The following NAP1L5 variants were observed in gnomAD, a reference collection of about 807,000 sequenced individuals.
NAP1L5 encodes the protein nucleosome assembly protein 1 like 5, also known as nucleosome assembly protein 1-like 5.
For synonymous variants in NAP1L5, 125 were observed against 103.6 expected (o/e 1.21, Z -1.25); for missense variants, 249 against 246.4 (o/e 1.01, Z -0.07).
chr4:88,697,479 A>G lies in NAP1L5; in HGVS notation c.276T>C (p.Asp92=). The change falls in exon 1 of 1, where the codon GAT becomes GAC. Residue 92 remains aspartate, a synonymous_variant. Coordinates refer to ENST00000323061, the MANE Select transcript of NAP1L5 (RefSeq NM_153757.4). Reference sequence around the variant, plus strand: ...CCTTATCAAATTTGGCTTCTATCTTATCGCATCGCTTCTGCAGCTTTTTGA... The same window carrying G: ...CCTTATCAAATTTGGCTTCTATCTTGTCGCATCGCTTCTGCAGCTTTTTGA... The part of the protein sequence containing the change: ...LALKKLQKRC[D]KIEAKFDKEF... The G allele has an allele frequency of 6.2e-7, 1 of 1,613,990 alleles. No homozygotes were observed.
chr4:88,695,944 C>T lies in NAP1L5; in HGVS notation c.*1262G>A, dbSNP rs1054261549. The T allele has an allele frequency of 1.3e-5, 2 of 152,550 alleles. No individual in the cohort carries two copies. Among genetic ancestry groups the T allele is most frequent in the Non-Finnish European group, 2.9e-5 (2 of 68,020 alleles). 9.4% of individuals were successfully genotyped at this position (152,550 alleles called of 1,614,324 possible). The stretch of plus-strand genomic sequence containing the variant: ...TTTTGAAAATACTGTTTTATTAACA[C>T]CACAGTGATAAACAACTTTAAGCTT... On this transcript the variant is annotated 3_prime_UTR_variant, in exon 1 of 1. Coordinates refer to ENST00000323061, the MANE Select transcript of NAP1L5 (RefSeq NM_153757.4).
chr4:88,697,220 C>T lies in NAP1L5; in HGVS notation c.535G>A (p.Asp179Asn). Residue 179 changes from aspartate to asparagine, a missense_variant, in exon 1 of 1, where the codon GAC (aspartate) becomes AAC (asparagine). Asp to Asn is a conservative substitution (Grantham distance 23). Coordinates refer to ENST00000323061, the MANE Select transcript of NAP1L5 (RefSeq NM_153757.4). ...HDDAHAEMPD[D>N]AKK The stretch of plus-strand genomic sequence containing the variant: ...CTCTGCCCCCCTTACTTCTTGGCGT[C>T]ATCAGGCATCTCGGCGTGGGCATCG... 1 of 1,520,446 alleles carries T rather than the reference C, an allele frequency of 6.6e-7. No homozygotes were observed. Among genetic ancestry groups the T allele is most frequent in the Non-Finnish European group, 8.8e-7 (1 of 1,137,418 alleles). 94.2% of individuals were successfully genotyped at this position (1,520,446 alleles called of 1,614,324 possible).
rs1734728655 is a variant in NAP1L5, at chr4:88,697,380, G to T, written c.375C>A (p.Gly125=). The T allele has an allele frequency of 1.2e-6, 2 of 1,613,576 alleles. No individual in the cohort carries two copies. Among genetic ancestry groups the T allele is most frequent in the African/African-American group, 1.3e-5 (1 of 74,732 alleles). Reference sequence around the variant, plus strand: ...AGGTCCATGCACACCCCTCCATCTCGCCGGTGAGCTCTTGGATCTTGGCGA... The same window carrying T: ...AGGTCCATGCACACCCCTCCATCTCTCCGGTGAGCTCTTGGATCTTGGCGA... ...PLLAKIQELT[G]EMEGCAWTLE... Residue 125 remains glycine (G), a synonymous_variant, in exon 1 of 1, where the codon GGC becomes GGA. Coordinates refer to ENST00000323061, the MANE Select transcript of NAP1L5 (RefSeq NM_153757.4).
chr4:88,697,656 C>T lies in NAP1L5; in HGVS notation c.99G>A (p.Gln33=), dbSNP rs546717344. 54 of 1,613,420 alleles carry T rather than the reference C, an allele frequency of 3.3e-5. No individual in the cohort carries two copies. The highest frequency in any genetic ancestry group is 1.6e-4 in the Middle Eastern group (1 of 6,062). Residue 33 remains glutamine, a synonymous_variant, in exon 1 of 1, where the codon CAG becomes CAA. Transcript: ENST00000323061. ...AEEVMAEGGA[Q]GGDCDSAAGD... ...CAGCCGCGCTGTCACAGTCTCCACCCTGCGCACCGCCTTCCGCCATTACCT... is the reference window on the plus strand; with the variant it reads ...CAGCCGCGCTGTCACAGTCTCCACCTTGCGCACCGCCTTCCGCCATTACCT...
rs767800603 is a variant in NAP1L5, at chr4:88,697,241, C to T, written c.514G>A (p.Ala172Thr). The T allele has an allele frequency of 3.9e-6, 6 of 1,537,208 alleles. No individual in the cohort carries two copies. The highest frequency in any genetic ancestry group is 5.2e-6 in the Non-Finnish European group (6 of 1,145,950). Residue 172 changes from alanine to threonine, a missense_variant, in exon 1 of 1, where the codon GCC becomes ACC. Physicochemically the swap from Ala to Thr is moderately conservative, Grantham distance 58 (BLOSUM62 0). Coordinates refer to ENST00000323061, the MANE Select transcript of NAP1L5 (RefSeq NM_153757.4). Reference protein sequence around the residue: ...EAAAGAKHDDAHAEMPDDAKK With the variant: ...EAAAGAKHDDTHAEMPDDAKK ...GCGTCATCAGGCATCTCGGCGTGGG[C>T]ATCGTCATGTTTGGCCCCCGCGGCA...
At position 88,697,674 on chromosome 4, in the gene NAP1L5, C is replaced by T. The variant is rs780447986; in HGVS notation, c.81G>A (p.Met27Ile). 35 of 1,612,936 alleles carry T rather than the reference C, an allele frequency of 2.2e-5. No individual in the cohort carries two copies. Among genetic ancestry groups the T allele is most frequent in the Non-Finnish European group, 7.6e-6 (9 of 1,179,938 alleles). ...AAAEAAAEEV[M>I]AEGGAQGGDC... ...CTCCACCCTGCGCACCGCCTTCCGC[C>T]ATTACCTCCTCTGCCGCTGCCTCCG... The change falls in exon 1 of 1, where the codon ATG becomes ATA. Residue 27 changes from methionine (M) to isoleucine (I), a missense_variant. Physicochemically the swap from Met to Ile is conservative, Grantham distance 10. Coordinates refer to ENST00000323061, the MANE Select transcript of NAP1L5 (RefSeq NM_153757.4).
Position 88,697,279 on chromosome 4 carries a change from G to GCCT in NAP1L5, c.473_475dup (p.Glu158dup), listed in dbSNP as rs751115157. ...GGCCCCCGCGGCAGCCTCTGCCGCA[G>GCCT]CCTCCTCCTCCTCCTCGTCTTCCCC... On this transcript the variant is annotated inframe_insertion, in exon 1 of 1. Transcript: ENST00000323061. The GCCT allele has an allele frequency of 7.2e-5, 115 of 1,594,232 alleles. No individual in the cohort carries two copies. The South Asian group carries it at 8.2e-4, about 11-fold the overall frequency.
At position 88,695,949 on chromosome 4, in the gene NAP1L5, G is replaced by A. The variant is rs1734558526; in HGVS notation, c.*1257C>T. ...AAAATACTGTTTTATTAACACCACAGTGATAAACAACTTTAAGCTTATGTT... is the reference window on the plus strand; with the variant it reads ...AAAATACTGTTTTATTAACACCACAATGATAAACAACTTTAAGCTTATGTT... On this transcript the variant is annotated 3_prime_UTR_variant, in exon 1 of 1. Transcript: ENST00000323061. 1 of 152,550 alleles carries A rather than the reference G, an allele frequency of 6.6e-6. No homozygotes were observed. The highest frequency in any genetic ancestry group is 2.4e-5 in the African/African-American group (1 of 41,422). 9.4% of individuals were successfully genotyped at this position (152,550 alleles called of 1,614,324 possible).
In NAP1L5 at chr4:88,696,185, T is replaced by C. The variant is rs1040570531; in HGVS notation, c.*1021A>G. On this transcript the variant is annotated 3_prime_UTR_variant, in exon 1 of 1. Coordinates refer to ENST00000323061, the MANE Select transcript of NAP1L5 (RefSeq NM_153757.4). ...AATACAAGCAAACTTAAACCCTTTC[T>C]ACTTCTGAGCTGGGGGTAGGGGCAC... is the stretch of plus-strand genomic sequence containing the variant. The C allele has an allele frequency of 6.6e-6, 1 of 152,626 alleles. No individual in the cohort carries two copies. The highest frequency in any genetic ancestry group is 2.4e-5 in the African/African-American group (1 of 41,454). The allele number at this position is 152,626 out of a possible 1,614,324, so 9.5% of individuals were successfully genotyped here.
rs751084080 is a variant in NAP1L5 at position 88,697,711 on chromosome 4, G to A, written c.44C>T (p.Ala15Val). 7 of 1,611,704 alleles carry A rather than the reference G, an allele frequency of 4.3e-6. No individual in the cohort carries two copies. Among genetic ancestry groups the A allele is most frequent in the African/African-American group, 4.0e-5 (3 of 74,896 alleles). ...ENQGPAEPSQ[A>V]AAAAEAAAEE... ...TGCCGCTGCCTCCGCCGCTGCCGCC[G>A]CCTGGCTAGGCTCCGCAGGCCCCTG... The change falls in exon 1 of 1, where the codon GCG becomes GTG. Residue 15 changes from alanine (A) to valine (V), a missense_variant. Coordinates refer to ENST00000323061, the MANE Select transcript of NAP1L5 (RefSeq NM_153757.4).
chr4:88,697,285 T>G lies in NAP1L5; in HGVS notation c.470A>C (p.Glu157Ala), dbSNP rs777410344. The G allele has an allele frequency of 1.2e-6, 2 of 1,603,642 alleles. No homozygotes were observed. Among genetic ancestry groups the G allele is most frequent in the African/African-American group, 1.3e-5 (1 of 74,418 alleles). Residue 157 changes from glutamate to alanine, a missense_variant, in exon 1 of 1, where the codon GAG (glutamate) becomes GCG (alanine). Glu to Ala is a moderately radical substitution (Grantham distance 107). Transcript: ENST00000323061. ...DEEEGEDEEE[E>A]EAAAEAAAGA... ...CGCGGCAGCCTCTGCCGCAGCCTCC[T>G]CCTCCTCCTCGTCTTCCCCCTCCTC... is the stretch of plus-strand genomic sequence containing the variant.
Position 88,697,697 on chromosome 4 carries a change from C to G in NAP1L5, c.58G>C (p.Glu20Gln). 6.2e-7 allele frequency: 1 copy of G among 1,612,028 alleles called. No individual in the cohort carries two copies. The highest frequency in any genetic ancestry group is 1.1e-5 in the South Asian group (1 of 91,000). The stretch of plus-strand genomic sequence containing the variant: ...GCCATTACCTCCTCTGCCGCTGCCT[C>G]CGCCGCTGCCGCCGCCTGGCTAGGC... ...AEPSQAAAAA[E>Q]AAAEEVMAEG... The change falls in exon 1 of 1, where the codon GAG becomes CAG. Residue 20 changes from glutamate to glutamine, a missense_variant. By Grantham distance (29) the Glu-to-Gln change is conservative. Coordinates refer to ENST00000323061, the MANE Select transcript of NAP1L5 (RefSeq NM_153757.4).
chr4:88,697,597 T>C lies in NAP1L5; in HGVS notation c.158A>G (p.Glu53Gly), dbSNP rs1379626474. ...DPDSAAGQMA[E>G]EPQTPAENAP... ...ATTCTCTGCAGGGGTCTGGGGCTCC[T>C]CAGCCATCTGACCAGCCGCGCTGTC... is the stretch of plus-strand genomic sequence containing the variant. Residue 53 changes from glutamate to glycine, a missense_variant, in exon 1 of 1, where the codon GAG (glutamate) becomes GGG (glycine). Coordinates refer to ENST00000323061, the MANE Select transcript of NAP1L5 (RefSeq NM_153757.4). The C allele has an allele frequency of 6.2e-7, 1 of 1,613,492 alleles. No individual in the cohort carries two copies. The highest frequency in any genetic ancestry group is 8.5e-7 in the Non-Finnish European group (1 of 1,179,688).
Position 88,697,713 on chromosome 4 carries a change from C to T in NAP1L5, c.42G>A (p.Gln14=). Residue 14 remains glutamine, a synonymous_variant, in exon 1 of 1, where the codon CAG becomes CAA. Coordinates refer to ENST00000323061, the MANE Select transcript of NAP1L5 (RefSeq NM_153757.4). ...CCGCTGCCTCCGCCGCTGCCGCCGC[C>T]TGGCTAGGCTCCGCAGGCCCCTGGT... ...SENQGPAEPS[Q]AAAAAEAAAE... 1 of 1,612,042 alleles carries T rather than the reference C, an allele frequency of 6.2e-7. No homozygotes were observed.
rs1344268541 is a variant in NAP1L5 at position 88,697,058 on chromosome 4, T to G, written c.*148A>C. The G allele has an allele frequency of 1.4e-6, 1 of 729,372 alleles. No individual in the cohort carries two copies. The highest frequency in any genetic ancestry group is 2.1e-6 in the Non-Finnish European group (1 of 469,792). The allele number at this position is 729,372 out of a possible 1,614,324, so 45.2% of individuals were successfully genotyped here. A position where few individuals can be genotyped will look rare whatever the true frequency, so the allele number is the denominator to read the frequency against. On this transcript the variant is annotated 3_prime_UTR_variant, in exon 1 of 1. Transcript: ENST00000323061. ...CGAGCTGGCCAGGATCTAATTGCTTTAATTTAATCTATTTTAGGAATGTCA... is the reference window on the plus strand; with the variant it reads ...CGAGCTGGCCAGGATCTAATTGCTTGAATTTAATCTATTTTAGGAATGTCA...
At position 88,697,239 on chromosome 4, in the gene NAP1L5, G is replaced by C; in HGVS notation, c.516C>G (p.Ala172=). ...TGGCGTCATCAGGCATCTCGGCGTG[G>C]GCATCGTCATGTTTGGCCCCCGCGG... is the stretch of plus-strand genomic sequence containing the variant. ...EAAAGAKHDD[A]HAEMPDDAKK Residue 172 remains alanine (A), a synonymous_variant, in exon 1 of 1, where the codon GCC becomes GCG. Transcript: ENST00000323061. 2 of 1,533,022 alleles carry C rather than the reference G, an allele frequency of 1.3e-6. No homozygotes were observed. Among genetic ancestry groups the C allele is most frequent in the Non-Finnish European group, 8.7e-7 (1 of 1,143,802 alleles). The allele number at this position is 1,533,022 out of a possible 1,614,324, so 95.0% of individuals were successfully genotyped here.
In NAP1L5 at chr4:88,696,016, C is replaced by T. The variant is rs1734565131; in HGVS notation, c.*1190G>A. 1 of 152,608 alleles carries T rather than the reference C, an allele frequency of 6.6e-6. No homozygotes were observed. Among genetic ancestry groups the T allele is most frequent in the Non-Finnish European group, 1.5e-5 (1 of 68,028 alleles). The allele number at this position is 152,608 out of a possible 1,614,324, so 9.5% of individuals were successfully genotyped here. ...GCTCACACATAATTCAAAACCCACA[C>T]AGAAGCTAAGAGTCTTTACATTAAA... On this transcript the variant is annotated 3_prime_UTR_variant, in exon 1 of 1. Coordinates refer to ENST00000323061, the MANE Select transcript of NAP1L5 (RefSeq NM_153757.4).
Position 88,697,761 on chromosome 4 carries a change from GGAGAA to G in NAP1L5, c.-12_-8del, listed in dbSNP as rs766409789. ...GGTTTTCCGAGTCGGCCATGTTAGA[GGAGAA>G]GCCGCAGAGGTCTAGGAGGGCTCCC... On this transcript the variant is annotated 5_prime_UTR_variant, in exon 1 of 1. Coordinates refer to ENST00000323061, the MANE Select transcript of NAP1L5 (RefSeq NM_153757.4). The G allele has an allele frequency of 1.2e-6, 2 of 1,601,576 alleles. No individual in the cohort carries two copies. The highest frequency in any genetic ancestry group is 4.5e-5 in the East Asian group (2 of 44,790).
rs1734679758 is a variant in NAP1L5, at chr4:88,697,159, C to T, written c.*47G>A. On this transcript the variant is annotated 3_prime_UTR_variant, in exon 1 of 1. Transcript: ENST00000323061. ...ATCGATATTCTGGGAAAAACAAAACCAGGCTTTTTTCTTCGTGGGCTTTCT... is the reference window on the plus strand; with the variant it reads ...ATCGATATTCTGGGAAAAACAAAACTAGGCTTTTTTCTTCGTGGGCTTTCT... 3 of 1,453,212 alleles carry T rather than the reference C, an allele frequency of 2.1e-6. No homozygotes were observed. Among genetic ancestry groups the T allele is most frequent in the Non-Finnish European group, 2.7e-6 (3 of 1,100,662 alleles). The allele number at this position is 1,453,212 out of a possible 1,614,324, so 90.0% of individuals were successfully genotyped here. A position where few individuals can be genotyped will look rare whatever the true frequency, so the allele number is the denominator to read the frequency against.
Sources: gnomAD v4.1 joint callset for allele counts on GRCh38, gnomAD v4.1.1 for gene constraint, MANE v1.5 for transcripts, NCBI Gene and HGNC (gene_info 2026-07-23, HGNC 2026-07-21) for gene names.